The following RPS6KA2 variants were observed in gnomAD, a reference collection of about 807,000 sequenced individuals.
The protein encoded by RPS6KA2 is ribosomal protein S6 kinase alpha-2.
In RPS6KA2, 42 loss-of-function variants were observed where a neutral mutation model predicts 91.8. That is an observed-to-expected ratio of 0.46 (90% CI 0.36 to 0.59). The LOEUF (loss-of-function observed/expected upper bound fraction) is 0.59. Among genes scored for constraint, RPS6KA2 ranks in the 20% least tolerant of loss-of-function variants. RPS6KA2 has a pLI of 0.00. For missense variants in RPS6KA2, 798 were observed against 978.5 expected (o/e 0.82, Z 2.46); for synonymous variants, 414 against 393.6 (o/e 1.05, Z -0.61).
rs138659717 is a variant in RPS6KA2, at chr6:166,687,524, G to A, written c.124-148740C>T. ...TCACCCAGAAGCTAAAGAAAAGGAA[G>A]AGGTGGTTTGGAGGGAAAATTGTTG... On this transcript the variant is annotated intron_variant, in intron 2 of 21. Transcript: ENST00000503859. Among the ~76,000 whole-genome samples the A allele has an allele frequency of 4.9e-4, 74 of 152,348 alleles. No homozygotes were observed. The East Asian group carries it at 0.011, about 22-fold the overall frequency.
At chr6:166,532,041 A>G (rs943868031) in intron 2 of RPS6KA2, among the ~76,000 whole-genome samples, 2 of 152,236 alleles carry the variant, frequency 1.3e-5, no homozygotes, top group Admixed American at 1.3e-4. Context: ...GTGTTTTCCA[A>G]TAGATGCAAA....
chr6:166,779,801 C>T (rs917750614), intron 2 of RPS6KA2, among the ~76,000 whole-genome samples: 52 of 152,192 alleles, frequency 3.4e-4, no homozygotes, highest in African/African-American at 1.1e-3. Context: ...GAAGTGAGGG[C>T]GGCCAAGAGA....
chr6:166,450,298 G>T (rs1779849044), intron 13 of RPS6KA2, among the ~76,000 whole-genome samples: 1 of 149,892 alleles, frequency 6.7e-6, no homozygotes. Context: ...AACCACCACG[G>T]GGACCACCAT....
upstream of RPS6KA2, among the ~76,000 whole-genome samples, chr6:166,628,834 A>T (rs1786989075): frequency 6.6e-6 from 1 of 152,246 alleles, no homozygotes; most frequent in African/African-American, 2.4e-5. Context: ...TGTGAATTTA[A>T]ATAGTGCAAT....
chr6:166,468,856 T>TCCGTCTCAAAAAAAA (rs567161437), intron 11 of RPS6KA2, among the ~76,000 whole-genome samples: 1 of 112,182 alleles, frequency 8.9e-6, no homozygotes, highest in African/African-American at 3.9e-5. Context: ...AGAGCGAGAC[T>TCCGTCTCAAAAAAAA]AAAAAAAAAA....
rs778838761 is a variant in RPS6KA2 at position 166,857,238 on chromosome 6, G to A, written c.123+962C>T. 5.9e-5 allele frequency among the ~76,000 whole-genome samples: 9 copies of A among 152,268 alleles called. 1 individual carries two copies. Among genetic ancestry groups the A allele is most frequent in the Admixed American group, 2.0e-4 (3 of 15,290 alleles). On this transcript the variant is annotated intron_variant, in intron 2 of 21. Transcript: ENST00000503859. The stretch of plus-strand genomic sequence containing the variant: ...CCAGCCCTTCCAGTCTGCAATATCT[G>A]CCAGCTATTTTAAAAGTCAACAGAG...
chr6:166,586,835 G>A (rs1785190829), intron 1 of RPS6KA2, among the ~76,000 whole-genome samples: 2 of 152,224 alleles, frequency 1.3e-5, no homozygotes, highest in Non-Finnish European at 2.9e-5. Context: ...AGGGCAGAGG[G>A]AGCCAACAGC....
At chr6:166,667,933 G>A (rs75188052) in intron 2 of RPS6KA2, among the ~76,000 whole-genome samples, 5,898 of 152,276 alleles carry the variant, frequency 0.039, 311 homozygotes, top group African/African-American at 0.12. Flanking sequence ...TGCCTGCGTC[G>A]TTGGTAGAAA....
chr6:166,581,431 C>T (rs942308857), intron 1 of RPS6KA2, among the ~76,000 whole-genome samples: 1 of 152,086 alleles, frequency 6.6e-6, no homozygotes, highest in Non-Finnish European at 1.5e-5. Flanking sequence ...AGGGAACTGA[C>T]GCCCCGCTCA....
chr6:166,503,957 G>A (rs895361030), intron 6 of RPS6KA2, among the ~76,000 whole-genome samples: 6 of 152,234 alleles, frequency 3.9e-5, no homozygotes, highest in Non-Finnish European at 8.8e-5. Flanking sequence ...AAGTTCTTGG[G>A]AGAGCTGTTC....
chr6:166,558,885 T>C (rs1267410652), intron 1 of RPS6KA2, among the ~76,000 whole-genome samples: 1 of 152,188 alleles, frequency 6.6e-6, no homozygotes, highest in African/African-American at 2.4e-5. Flanking sequence ...TGAGGAAACA[T>C]TTGGTGTTTC....
chr6:166,761,766 C>T (rs1778176671), intron 2 of RPS6KA2, among the ~76,000 whole-genome samples: 1 of 152,202 alleles, frequency 6.6e-6, no homozygotes, highest in Non-Finnish European at 1.5e-5. Context: ...GTACCTTTCC[C>T]CTTCCTAGGC....
At chr6:166,778,826 G>A (rs1253969960) in intron 2 of RPS6KA2, among the ~76,000 whole-genome samples, 1 of 152,218 alleles carries the variant, frequency 6.6e-6, no homozygotes, top group Admixed American at 6.5e-5. Context: ...ACTCCTGTCA[G>A]AGAGTGAGCT....
chr6:166,703,192 A>G (rs1344935242), intron 2 of RPS6KA2, among the ~76,000 whole-genome samples: 1 of 152,238 alleles, frequency 6.6e-6, no homozygotes, highest in Non-Finnish European at 1.5e-5. Flanking sequence ...TAATTTTATT[A>G]GCTGCGGAAT....
At chr6:166,616,255 G>T (rs1470374226) in intron 1 of RPS6KA2, among the ~76,000 whole-genome samples, 1 of 152,142 alleles carries the variant, frequency 6.6e-6, no homozygotes, top group Admixed American at 6.5e-5. Context: ...GTTCCCATTG[G>T]TGACCTTGCC....
chr6:166,816,768 T>A (rs1239700907), intron 2 of RPS6KA2, among the ~76,000 whole-genome samples: 1 of 152,208 alleles, frequency 6.6e-6, no homozygotes, highest in East Asian at 1.9e-4. Flanking sequence ...TGTTGTCAAC[T>A]GGTCAGGTTG....
Position 166,724,604 on chromosome 6 carries a change from C to T in RPS6KA2, c.123+133596G>A, listed in dbSNP as rs557107405. 1.6e-4 allele frequency among the ~76,000 whole-genome samples: 25 copies of T among 152,330 alleles called. 1 individual carries two copies. The highest frequency in any genetic ancestry group is 4.8e-4 in the African/African-American group (20 of 41,562). On this transcript the variant is annotated intron_variant, in intron 2 of 21. Coordinates refer to the RPS6KA2 transcript ENST00000503859. ...CTCACCCCACTTATGCTTTGTGACA[C>T]GGCCACGGCCTCAGCTTTGTCACCA... is the stretch of plus-strand genomic sequence containing the variant.
intron 12 of RPS6KA2, among the ~76,000 whole-genome samples, chr6:166,453,837 G>A (rs2128457471): frequency 6.6e-6 from 1 of 152,200 alleles, no homozygotes; most frequent in Admixed American, 6.5e-5. Flanking sequence ...AACAAAATGT[G>A]GTACATATAC....
intron 2 of RPS6KA2, among the ~76,000 whole-genome samples, chr6:166,828,575 A>C (rs950146091): frequency 1.8e-4 from 28 of 152,244 alleles, no homozygotes; most frequent in African/African-American, 6.8e-4. Context: ...GTGTGCCTTA[A>C]AAGTGGTATC....
Sources: gnomAD v4.1 joint callset for allele counts (sites outside exome capture counted in the v4.1 genomes callset) on GRCh38, gnomAD v4.1.1 for gene constraint, MANE v1.5 for transcripts, NCBI Gene and HGNC (gene_info 2026-07-23, HGNC 2026-07-21) for gene names.